XKR4: variants seen among roughly 807,000 people sequenced by gnomAD.
XKR4 encodes the protein XK-related protein 4.
In XKR4, 12 loss-of-function variants were observed where a neutral mutation model predicts 53.9. The ratio of observed to expected loss-of-function variants is 0.22; its 90% CI spans 0.14 to 0.36. The LOEUF (loss-of-function observed/expected upper bound fraction) is 0.36. Among genes scored for constraint, XKR4 ranks in the 10% least tolerant of loss-of-function variants. XKR4 has a pLI of 1.00. For synonymous variants in XKR4, 354 were observed against 362.4 expected, an observed-to-expected ratio of 0.98 and a Z score of 0.26; for missense variants, 799 against 859.5, an observed-to-expected ratio of 0.93 and a Z score of 0.88.
chr8:55,469,003 A>G (rs1230909401), intron 2 of XKR4, among the ~76,000 whole-genome samples: 1 of 152,042 alleles, frequency 6.6e-6, no homozygotes, highest in African/African-American at 2.4e-5. Flanking sequence ...TATTTATTGG[A>G]TTTGTACCAC....
intron 2 of XKR4, chr8:55,521,099 G>C (rs1001125566): frequency 3.9e-5 from 6 of 152,298 alleles, no homozygotes; most frequent in Non-Finnish European, 8.8e-5. Flanking sequence ...CTGTGCTGAA[G>C]GAGGCCGGCG....
At chr8:55,456,799 C>T (rs1047178260) in intron 2 of XKR4, among the ~76,000 whole-genome samples, 9 of 151,660 alleles carry the variant, frequency 5.9e-5, no homozygotes, top group Non-Finnish European at 1.2e-4. Context: ...GTTAAGCCTA[C>T]CAACATATGT....
chr8:55,126,778 T>A (rs1816473663), intron 1 of XKR4, among the ~76,000 whole-genome samples: 1 of 152,254 alleles, frequency 6.6e-6, no homozygotes, highest in South Asian at 2.1e-4. Flanking sequence ...CATTCACTCA[T>A]TCATTTAGTC....
At chr8:55,112,257 T>C (rs1426321305) in intron 1 of XKR4, among the ~76,000 whole-genome samples, 2 of 152,208 alleles carry the variant, frequency 1.3e-5, no homozygotes, top group Non-Finnish European at 2.9e-5. Context: ...TATTTCCCTG[T>C]TGGGGAATCC....
chr8:55,199,773 ATAG>A (rs1199600271), intron 1 of XKR4, among the ~76,000 whole-genome samples: 1 of 152,230 alleles, frequency 6.6e-6, no homozygotes, highest in African/African-American at 2.4e-5. Flanking sequence ...TAGCCACATA[ATAG>A]TAGCAGCTAA....
At chr8:55,408,192 G>C (rs1198705415) in intron 2 of XKR4, among the ~76,000 whole-genome samples, 1 of 152,190 alleles carries the variant, frequency 6.6e-6, no homozygotes, top group Non-Finnish European at 1.5e-5. Flanking sequence ...AGGTTAAACA[G>C]TTTTGAGTGC....
intron 2 of XKR4, among the ~76,000 whole-genome samples, chr8:55,392,085 T>C (rs115724455): frequency 0.013 from 2,010 of 152,348 alleles, 51 homozygotes; most frequent in African/African-American, 0.046. Context: ...CTCATTAGTA[T>C]AGTTCAAGTT....
chr8:55,436,993 T>C (rs1388269561), intron 2 of XKR4, among the ~76,000 whole-genome samples: 1 of 152,206 alleles, frequency 6.6e-6, no homozygotes, highest in African/African-American at 2.4e-5. Flanking sequence ...CAAGGAAATC[T>C]ATGTTATGAA....
At chr8:55,294,284 G>A (rs1395378699) in intron 1 of XKR4, among the ~76,000 whole-genome samples, 1 of 152,140 alleles carries the variant, frequency 6.6e-6, no homozygotes, top group Non-Finnish European at 1.5e-5. Flanking sequence ...CTTGAACAGG[G>A]ACAGGTATTC....
intron 1 of XKR4, among the ~76,000 whole-genome samples, chr8:55,161,077 G>A (rs886094942): frequency 6.6e-6 from 1 of 152,120 alleles, no homozygotes; most frequent in Admixed American, 6.5e-5. Flanking sequence ...CGGCTTTGGT[G>A]GTTATCTCTT....
chr8:55,192,182 A>G (rs1055130636), intron 1 of XKR4, among the ~76,000 whole-genome samples: 1 of 145,158 alleles, frequency 6.9e-6, no homozygotes, highest in Admixed American at 6.8e-5. Flanking sequence ...TGGAATGGCT[A>G]GCACAGGATT....
chr8:55,361,183 C>G (rs1217792382), intron 2 of XKR4, among the ~76,000 whole-genome samples: 2 of 152,222 alleles, frequency 1.3e-5, no homozygotes, highest in African/African-American at 4.8e-5. Flanking sequence ...GTAGTGCTCA[C>G]TGTACTTCCA....
At chr8:55,176,217 T>C (rs1817232266) in intron 1 of XKR4, among the ~76,000 whole-genome samples, 1 of 152,236 alleles carries the variant, frequency 6.6e-6, no homozygotes. Flanking sequence ...TTGCATCATT[T>C]TTCAAGGTGT....
chr8:55,393,712 C>A (rs1417362485), intron 2 of XKR4, among the ~76,000 whole-genome samples: 2 of 152,192 alleles, frequency 1.3e-5, no homozygotes, highest in African/African-American at 2.4e-5. Context: ...AGTCATCAAG[C>A]TGGCTACTAG....
intron 1 of XKR4, among the ~76,000 whole-genome samples, chr8:55,165,736 C>T (rs1326449897): frequency 6.8e-6 from 1 of 147,184 alleles, no homozygotes; most frequent in African/African-American, 2.5e-5. Flanking sequence ...ATCCGGGAGG[C>T]GGAGCTTGCA....
intron 1 of XKR4, among the ~76,000 whole-genome samples, chr8:55,223,118 T>C (rs1817903444): frequency 1.3e-5 from 2 of 152,190 alleles, no homozygotes; most frequent in South Asian, 2.1e-4. Flanking sequence ...ACCCTGATGC[T>C]ATCAGCACAG....
intron 2 of XKR4, among the ~76,000 whole-genome samples, chr8:55,379,859 G>C (rs897928088): frequency 6.6e-6 from 1 of 152,208 alleles, no homozygotes; most frequent in Non-Finnish European, 1.5e-5. Flanking sequence ...GGTGCACCAA[G>C]CTCTGAAAAC....
intron 1 of XKR4, among the ~76,000 whole-genome samples, chr8:55,249,693 G>A (rs1818339063): frequency 6.6e-6 from 1 of 152,196 alleles, no homozygotes. Context: ...AAAGACCTAT[G>A]TAAAGGTCAA....
rs375923445 is a variant in XKR4 at position 55,431,345 on chromosome 8, A to T, written c.1006+73468A>T. Among the ~76,000 whole-genome samples the T allele has an allele frequency of 1.2e-3, 186 of 152,278 alleles. 4 individuals carry two copies. The South Asian group carries it at 0.037, about 31-fold the overall frequency. On this transcript the variant is annotated intron_variant, in intron 2 of 2. Coordinates refer to ENST00000327381, the MANE Select transcript of XKR4 (RefSeq NM_052898.2). The stretch of plus-strand genomic sequence containing the variant: ...TCCCAAAACATCATTAGGCTGTACA[A>T]CTCCATGTATACATTGAATGAGAAT...
Sources: gnomAD v4.1 joint callset for allele counts (sites outside exome capture counted in the v4.1 genomes callset) on GRCh38, gnomAD v4.1.1 for gene constraint, MANE v1.5 for transcripts, NCBI Gene and HGNC (gene_info 2026-07-23, HGNC 2026-07-21) for gene names.